Variants in DCC observed in about 807,000 individuals in gnomAD.
The protein encoded by DCC is DCC netrin 1 receptor, also known as netrin receptor DCC.
In DCC, 58 loss-of-function variants were observed where a neutral mutation model predicts 172.5. That is an observed-to-expected ratio of 0.34 (90% CI 0.27 to 0.42). The LOEUF is 0.42. Ranked by LOEUF, DCC falls within the 10% of genes least tolerant of loss-of-function variation. The pLI is 1.00. For synonymous variants in DCC, 709 were observed against 644.5 expected (o/e 1.10, Z -1.52); for missense variants, 1,740 against 1,791.0 (o/e 0.97, Z 0.51).
intron 15 of DCC, among the ~76,000 whole-genome samples, chr18:53,379,549 CA>C (rs1196085186): frequency 6.6e-6 from 1 of 152,094 alleles, no homozygotes; most frequent in African/African-American, 2.4e-5. Flanking sequence ...AGGGAAGCCT[CA>C]AAAAAAGCTC....
chr18:52,725,232 T>C (rs1206800025), intron 1 of DCC, among the ~76,000 whole-genome samples: 1 of 152,150 alleles, frequency 6.6e-6, no homozygotes, highest in African/African-American at 2.4e-5. Flanking sequence ...CTCAGAAAGT[T>C]GGTGTGTGCC....
At chr18:52,846,680 G>A (rs1255540617) in intron 2 of DCC, among the ~76,000 whole-genome samples, 6 of 145,048 alleles carry the variant, frequency 4.1e-5, no homozygotes, top group Non-Finnish European at 7.5e-5. Flanking sequence ...GGTGTCTCTC[G>A]CAGAGATTGG....
At chr18:53,169,941 C>A (rs1366740169) in intron 8 of DCC, among the ~76,000 whole-genome samples, 1 of 152,078 alleles carries the variant, frequency 6.6e-6, no homozygotes, top group Non-Finnish European at 1.5e-5. Flanking sequence ...CCAGAGAAAT[C>A]CCACATAATA....
At chr18:53,441,757 G>T (rs979549145) in intron 22 of DCC, among the ~76,000 whole-genome samples, 1 of 152,176 alleles carries the variant, frequency 6.6e-6, no homozygotes, top group Non-Finnish European at 1.5e-5. Flanking sequence ...TGATCTCCAT[G>T]CTTCCACCAC....
At chr18:52,608,038 T>C (rs920608852) in intron 1 of DCC, among the ~76,000 whole-genome samples, 1 of 152,106 alleles carries the variant, frequency 6.6e-6, no homozygotes, top group Non-Finnish European at 1.5e-5. Context: ...TTTTTTTTCC[T>C]ATATTTTGAG....
chr18:53,085,066 A>C (rs2042858846), intron 7 of DCC, among the ~76,000 whole-genome samples: 2 of 152,200 alleles, frequency 1.3e-5, no homozygotes, highest in African/African-American at 4.8e-5. Context: ...TTTAAAGCCA[A>C]GCCTATTATC....
chr18:53,083,007 G>T (rs1232367075), intron 7 of DCC, among the ~76,000 whole-genome samples: 1 of 132,314 alleles, frequency 7.6e-6, no homozygotes, highest in African/African-American at 2.9e-5. Context: ...CTACTAGAGA[G>T]CAATTCTAAG....
chr18:53,387,768 C>T (rs1568099352), intron 16 of DCC, among the ~76,000 whole-genome samples: 1 of 152,184 alleles, frequency 6.6e-6, no homozygotes, highest in Non-Finnish European at 1.5e-5. Context: ...CCCCAGTAGC[C>T]GCTCATTGCC....
intron 1 of DCC, among the ~76,000 whole-genome samples, chr18:52,491,840 G>C (rs922855421): frequency 6.6e-6 from 1 of 152,042 alleles, no homozygotes; most frequent in African/African-American, 2.4e-5. Flanking sequence ...GGGAAGATTG[G>C]GTTAGTGGAA....
At chr18:52,495,055 A>C (rs185929954) in intron 1 of DCC, among the ~76,000 whole-genome samples, 62 of 152,156 alleles carry the variant, frequency 4.1e-4, no homozygotes, top group Non-Finnish European at 7.8e-4. Context: ...TCTAGGATGG[A>C]GTCCTCAATG....
intron 5 of DCC, among the ~76,000 whole-genome samples, chr18:52,967,205 C>A (rs910026955): frequency 6.6e-6 from 1 of 152,168 alleles, no homozygotes; most frequent in South Asian, 2.1e-4. Context: ...GCTGTCCTGG[C>A]CTTGTTTTAA....
At chr18:53,353,853 T>C (rs746083431) in intron 15 of DCC, among the ~76,000 whole-genome samples, 1 of 152,162 alleles carries the variant, frequency 6.6e-6, no homozygotes, top group African/African-American at 2.4e-5. Flanking sequence ...ATGTGCCATG[T>C]TGGTGTGCTG....
At chr18:52,460,361 C>T (rs567705250) in intron 1 of DCC, among the ~76,000 whole-genome samples, 1 of 152,148 alleles carries the variant, frequency 6.6e-6, no homozygotes, top group African/African-American at 2.4e-5. Context: ...CTCTCCATAG[C>T]ATTTGATCTA....
At chr18:53,095,385 T>A (rs12605900) in intron 7 of DCC, among the ~76,000 whole-genome samples, 39,276 of 152,176 alleles carry the variant, frequency 0.26, 6,193 homozygotes, top group African/African-American at 0.44. Flanking sequence ...GAAAAATCTT[T>A]CAAATAGTGT....
At chr18:53,122,572 A>G (rs1002773890) in intron 7 of DCC, among the ~76,000 whole-genome samples, 3 of 151,992 alleles carry the variant, frequency 2.0e-5, no homozygotes, top group Non-Finnish European at 4.4e-5. Context: ...GAAAAACTTT[A>G]TCTTGGAAAA....
intron 1 of DCC, among the ~76,000 whole-genome samples, chr18:52,478,016 C>T (rs1321230257): frequency 1.3e-5 from 2 of 151,920 alleles, no homozygotes; most frequent in Non-Finnish European, 2.9e-5. Context: ...CCCTTTGTTC[C>T]CCAGGCTGCT....
chr18:53,219,894 G>T (rs904836108), intron 12 of DCC, among the ~76,000 whole-genome samples: 6 of 152,146 alleles, frequency 3.9e-5, no homozygotes, highest in Non-Finnish European at 8.8e-5. Context: ...AACATTCTTT[G>T]TGTGTGTTTG....
At chr18:53,529,824 A>T (rs1007209607) in intron 28 of DCC, among the ~76,000 whole-genome samples, 9 of 152,180 alleles carry the variant, frequency 5.9e-5, no homozygotes, top group Non-Finnish European at 1.2e-4. Context: ...TACTGACATG[A>T]TAATAGTGAC....
intron 1 of DCC, among the ~76,000 whole-genome samples, chr18:52,464,318 C>T (rs1317778218): frequency 6.6e-6 from 1 of 152,136 alleles, no homozygotes; most frequent in Non-Finnish European, 1.5e-5. Context: ...GGAATCAGAA[C>T]ACCCAAACAT....
Sources: allele counts gnomAD v4.1 joint callset (sites outside exome capture counted in the v4.1 genomes callset), GRCh38; gene constraint gnomAD v4.1.1; transcripts MANE v1.5; gene names NCBI Gene and HGNC (gene_info 2026-07-23, HGNC 2026-07-21).